Variants in ELAVL2 observed in about 807,000 individuals in gnomAD.
The protein encoded by ELAVL2 is ELAV-like protein 2.
A neutral mutation model predicts 34.6 loss-of-function variants in ELAVL2; 4 were observed. That is an observed-to-expected ratio of 0.12 (90% CI 0.06 to 0.26). ELAVL2 has a LOEUF of 0.26. Ranked by LOEUF, ELAVL2 falls within the 10% of genes least tolerant of loss-of-function variation. The pLI is 1.00. For synonymous variants in ELAVL2, 193 were observed against 154.8 expected (o/e 1.25, Z -1.83); for missense variants, 432 against 442.8 (o/e 0.98, Z 0.22).
chr9:23,793,493 CT>C (rs965290179), intron 1 of ELAVL2, among the ~76,000 whole-genome samples: 20 of 152,148 alleles, frequency 1.3e-4, no homozygotes, highest in African/African-American at 4.3e-4. Flanking sequence ...AAACCCTCAA[CT>C]TTTTTTCTAA....
intron 1 of ELAVL2, among the ~76,000 whole-genome samples, chr9:23,818,378 T>C (rs2064025952): frequency 6.6e-6 from 1 of 152,136 alleles, no homozygotes; most frequent in Non-Finnish European, 1.5e-5. Flanking sequence ...GTCCAAAAAT[T>C]CTTAAGAATT....
rs201455930 is a variant in ELAVL2 at position 23,719,823 on chromosome 9, CTT to C, written c.333+11197_333+11198del. 4.8e-3 allele frequency among the ~76,000 whole-genome samples: 621 copies of C among 130,486 alleles called. 3 individuals carry two copies. The highest frequency in any genetic ancestry group is 0.016 in the African/African-American group (568 of 35,730). The allele number at this position is 130,486 out of a possible 152,430, so 85.6% of individuals were successfully genotyped here. ...AATTTTTATTAAATTTTAAAAGCCA[CTT>C]TTTTTTTTTTTTTTTTGAGATGGGA... is the stretch of plus-strand genomic sequence containing the variant. On this transcript the variant is annotated intron_variant, in intron 3 of 6. Transcript: ENST00000397312.
At chr9:23,808,120 T>C (rs2062485221) in intron 1 of ELAVL2, among the ~76,000 whole-genome samples, 1 of 152,136 alleles carries the variant, frequency 6.6e-6, no homozygotes, top group African/African-American at 2.4e-5. Context: ...TGTCTATCCT[T>C]ATGCCTATAA....
At chr9:23,779,800 C>CTTCTCATTA (rs2058788305) in intron 1 of ELAVL2, among the ~76,000 whole-genome samples, 1 of 151,696 alleles carries the variant, frequency 6.6e-6, no homozygotes, top group African/African-American at 2.4e-5. Flanking sequence ...CTTTTCACCT[C>CTTCTCATTA]TTCTCATTAA....
At chr9:23,713,213 A>G (rs1054522388) in intron 3 of ELAVL2, among the ~76,000 whole-genome samples, 25 of 152,190 alleles carry the variant, frequency 1.6e-4, no homozygotes, top group Non-Finnish European at 8.8e-5. Context: ...GTAAAGGCAA[A>G]TGGGATACAT....
At chr9:23,807,808 GTTAT>G (rs1289046772) in intron 1 of ELAVL2, among the ~76,000 whole-genome samples, 20 of 152,238 alleles carry the variant, frequency 1.3e-4, no homozygotes, top group African/African-American at 3.4e-4. Context: ...ATTAGAAAGT[GTTAT>G]TTAAACAAAT....
chr9:23,832,355 C>T, the ELAVL2 span: 2 of 152,144 alleles, frequency 1.3e-5, 1 homozygote. Context: ...AAAAAAAATC[C>T]CAGGTATGTA....
At chr9:23,803,332 T>TTTATAAAGC (rs2061797749) in intron 1 of ELAVL2, among the ~76,000 whole-genome samples, 1 of 152,212 alleles carries the variant, frequency 6.6e-6, no homozygotes, top group African/African-American at 2.4e-5. Flanking sequence ...CATAACAAGC[T>TTTATAAAGC]ATTACATGTT....
chr9:23,692,056 T>G lies in ELAVL2; in HGVS notation c.*501A>C, dbSNP rs971537261. 9.1e-5 allele frequency: 14 copies of G among 154,320 alleles called. No homozygotes were observed. Among genetic ancestry groups the G allele is most frequent in the Admixed American group, 4.5e-4 (7 of 15,598 alleles). The allele number at this position is 154,320 out of a possible 1,614,324, so 9.6% of individuals were successfully genotyped here. Reference sequence around the variant, plus strand: ...TTACAAAATAAATACTGTTTTAAACTTCATAAATAAAAATGTAAACTTCAA... The same window carrying G: ...TTACAAAATAAATACTGTTTTAAACGTCATAAATAAAAATGTAAACTTCAA... On this transcript the variant is annotated 3_prime_UTR_variant, in exon 7 of 7. Coordinates refer to ENST00000397312, the MANE Select transcript of ELAVL2 (RefSeq NM_004432.5).
intron 1 of ELAVL2, among the ~76,000 whole-genome samples, chr9:23,808,553 G>C (rs879359536): frequency 6.6e-5 from 10 of 151,998 alleles, no homozygotes; most frequent in African/African-American, 1.5e-4. Context: ...CAATCAAAAA[G>C]AGCAAAATGC....
intron 5 of ELAVL2, 124 bp downstream of exon 5, chr9:23,701,255 A>G: frequency 2.0e-6 from 2 of 997,856 alleles, no homozygotes; most frequent in Non-Finnish European, 3.0e-6. Flanking sequence ...AAAAATTAAT[A>G]GTAATAAAAC....
intron 1 of ELAVL2, among the ~76,000 whole-genome samples, chr9:23,795,948 T>C (rs2060869763): frequency 1.3e-5 from 2 of 152,204 alleles, no homozygotes; most frequent in Non-Finnish European, 2.9e-5. Context: ...GAAAAATGCA[T>C]AAGTGGATGT....
chr9:23,821,702 T>C (rs1438246268), intron 1 of ELAVL2: 17 of 151,744 alleles, frequency 1.1e-4, no homozygotes, highest in South Asian at 2.0e-4. Context: ...GGAGAGGCGG[T>C]GGCGGCGGCG....
intron 1 of ELAVL2, among the ~76,000 whole-genome samples, chr9:23,789,733 A>G (rs569138608): frequency 1.3e-5 from 2 of 152,336 alleles, no homozygotes; most frequent in African/African-American, 2.4e-5. Context: ...AAGCTATCAC[A>G]TATCTCCCTT....
chr9:23,805,143 T>C (rs146193294), intron 1 of ELAVL2, among the ~76,000 whole-genome samples: 9 of 152,228 alleles, frequency 5.9e-5, no homozygotes, highest in Admixed American at 3.3e-4. Context: ...ATAGGAAATA[T>C]AAAAAGCCAT....
At chr9:23,701,683 T>A in intron 4 of ELAVL2, 79 bp from the exon 5 acceptor site, 3 of 1,457,014 alleles carry the variant, frequency 2.1e-6, no homozygotes, top group Non-Finnish European at 2.8e-6. Context: ...ACACATTAAT[T>A]TTTCCTTCTC....
chr9:23,692,505 T>C lies in ELAVL2; in HGVS notation c.*52A>G. The C allele has an allele frequency of 1.3e-6, 2 of 1,532,252 alleles. No individual in the cohort carries two copies. The highest frequency in any genetic ancestry group is 1.8e-6 in the Non-Finnish European group (2 of 1,137,792). 94.9% of individuals were successfully genotyped at this position (1,532,252 alleles called of 1,614,324 possible). A position where few individuals can be genotyped will look rare whatever the true frequency, so the allele number is the denominator to read the frequency against. Reference sequence around the variant, plus strand: ...ACTAATGTATAAAGTTTCTCTTAACTTGCCTTTGTTGTATAGTTTTCATAT... The same window carrying C: ...ACTAATGTATAAAGTTTCTCTTAACCTGCCTTTGTTGTATAGTTTTCATAT... On this transcript the variant is annotated 3_prime_UTR_variant, in exon 7 of 7. Transcript: ENST00000397312.
upstream of ELAVL2, among the ~76,000 whole-genome samples, chr9:23,828,323 A>G (rs2065392945): frequency 6.6e-6 from 1 of 152,210 alleles, no homozygotes; most frequent in South Asian, 2.1e-4. Context: ...TTAGTTGCAT[A>G]TGCCCATATA....
At chr9:23,799,200 A>G (rs970308352) in intron 1 of ELAVL2, among the ~76,000 whole-genome samples, 5 of 152,184 alleles carry the variant, frequency 3.3e-5, no homozygotes, top group African/African-American at 1.2e-4. Context: ...ACCTACCAAA[A>G]AACCCAAAAT....
Sources: gnomAD v4.1 joint callset for allele counts (sites outside exome capture counted in the v4.1 genomes callset) on GRCh38, gnomAD v4.1.1 for gene constraint, MANE v1.5 for transcripts, NCBI Gene and HGNC (gene_info 2026-07-23, HGNC 2026-07-21) for gene names.